Variants in DOCK3 observed in about 807,000 individuals in gnomAD.
The protein encoded by DOCK3 is dedicator of cytokinesis 3, also known as dedicator of cytokinesis protein 3.
In DOCK3, 60 loss-of-function variants were observed where a neutral mutation model predicts 265.6. That is an observed-to-expected ratio of 0.23 (90% CI 0.18 to 0.28). The LOEUF is 0.28. DOCK3 is among the 10% of genes least tolerant of loss of function. The pLI is 1.00. For synonymous variants in DOCK3, 881 were observed against 938.0 expected (o/e 0.94, Z 1.11); for missense variants, 1,981 against 2,594.3 (o/e 0.76, Z 5.14).
chr3:50,758,463 T>C (rs1559601278), intron 1 of DOCK3, among the ~76,000 whole-genome samples: 1 of 152,112 alleles, frequency 6.6e-6, no homozygotes, highest in African/African-American at 2.4e-5. Flanking sequence ...AAAAAAGATA[T>C]ATAATTAAAT....
chr3:51,280,272 C>A, intron 27 of DOCK3, 68 bp downstream of exon 27: 1 of 1,439,468 alleles, frequency 6.9e-7, no homozygotes, highest in Admixed American at 2.0e-5. Context: ...GGGCTTTTTC[C>A]CTGTCAGGGG....
At chr3:51,262,385 A>G (rs1376583251) in intron 23 of DOCK3, among the ~76,000 whole-genome samples, 1 of 152,234 alleles carries the variant, frequency 6.6e-6, no homozygotes, top group Non-Finnish European at 1.5e-5. Context: ...AACAAAAAGG[A>G]CATCCACACA....
At chr3:50,694,100 C>G (rs2035447526) in intron 1 of DOCK3, among the ~76,000 whole-genome samples, 1 of 151,744 alleles carries the variant, frequency 6.6e-6, no homozygotes, top group Non-Finnish European at 1.5e-5. Context: ...AAAACCCTGT[C>G]TCTACTAAAA....
intron 12 of DOCK3, among the ~76,000 whole-genome samples, chr3:51,187,835 T>G (rs942411637): frequency 2.7e-5 from 4 of 148,148 alleles, no homozygotes; most frequent in Admixed American, 1.4e-4. Context: ...TTGTGAGGCC[T>G]CCCCAGCCAC....
At chr3:51,081,806 G>A (rs1448776274) in intron 7 of DOCK3, among the ~76,000 whole-genome samples, 3 of 150,340 alleles carry the variant, frequency 2.0e-5, no homozygotes, top group Non-Finnish European at 4.4e-5. Flanking sequence ...TGAGGCAGGA[G>A]AATGGCGTGA....
intron 6 of DOCK3, among the ~76,000 whole-genome samples, chr3:51,065,006 C>G (rs940867499): frequency 2.0e-5 from 3 of 152,114 alleles, no homozygotes; most frequent in African/African-American, 7.2e-5. Context: ...TGAGCATAAC[C>G]TACAAATGGA....
intron 1 of DOCK3, among the ~76,000 whole-genome samples, chr3:50,774,516 T>C (rs960552978): frequency 6.6e-6 from 1 of 152,084 alleles, no homozygotes; most frequent in South Asian, 2.1e-4. Flanking sequence ...TAATTGTTTA[T>C]TGATATATAG....
intron 5 of DOCK3, among the ~76,000 whole-genome samples, chr3:51,001,220 C>A (rs978921434): frequency 6.6e-6 from 1 of 152,182 alleles, no homozygotes; most frequent in Admixed American, 6.5e-5. Flanking sequence ...ATTGCCCTCC[C>A]CATGTGTAGG....
intron 27 of DOCK3, among the ~76,000 whole-genome samples, chr3:51,293,975 G>A (rs916743243): frequency 2.0e-5 from 3 of 152,130 alleles, no homozygotes; most frequent in Admixed American, 2.0e-4. Context: ...TGGAGAAAAG[G>A]GAACTCTTGT....
At chr3:50,787,924 T>A in intron 2 of DOCK3, 1 of 1,026,604 alleles carries the variant, frequency 9.7e-7, no homozygotes, top group Non-Finnish European at 1.5e-6. Flanking sequence ...TTACCTCCAC[T>A]ATGATCTGCT....
At chr3:50,896,032 A>G (rs933945292) in intron 4 of DOCK3, among the ~76,000 whole-genome samples, 3 of 152,144 alleles carry the variant, frequency 2.0e-5, no homozygotes, top group Admixed American at 6.5e-5. Context: ...TTGTGTATAT[A>G]CCCAGTAATG....
At chr3:51,322,035 A>C (rs2083764464) in intron 32 of DOCK3, among the ~76,000 whole-genome samples, 1 of 150,768 alleles carries the variant, frequency 6.6e-6, no homozygotes, top group South Asian at 2.1e-4. Context: ...CGTCAGATTC[A>C]CCAAGGTTGA....
At chr3:51,316,908 T>C (rs1373785763) in intron 32 of DOCK3, among the ~76,000 whole-genome samples, 2 of 152,204 alleles carry the variant, frequency 1.3e-5, no homozygotes, top group African/African-American at 4.8e-5. Flanking sequence ...CTTTAGCTTA[T>C]CTTTTCATTT....
intron 5 of DOCK3, among the ~76,000 whole-genome samples, chr3:50,964,777 C>T (rs1363031028): frequency 6.6e-6 from 1 of 151,876 alleles, no homozygotes; most frequent in Non-Finnish European, 1.5e-5. Flanking sequence ...TTTAATGAAT[C>T]TCAAGTAGAA....
intron 4 of DOCK3, among the ~76,000 whole-genome samples, chr3:50,900,363 G>A (rs1384136255): frequency 6.6e-6 from 1 of 152,000 alleles, no homozygotes; most frequent in Non-Finnish European, 1.5e-5. Context: ...AGTTATGCTG[G>A]TTAGCAATTC....
Position 51,361,205 on chromosome 3 carries a change from A to T in DOCK3, c.5006+573A>T, listed in dbSNP as rs1469167307. The stretch of plus-strand genomic sequence containing the variant: ...AATACTGAAAGCCTCTAGGCCAGGA[A>T]GGCCAAGTTGGAGGAGGAGACTAGT... On this transcript the variant is annotated intron_variant, in intron 47 of 52. Coordinates refer to ENST00000266037, the MANE Select transcript of DOCK3 (RefSeq NM_004947.5). The surrounding 1 kb of genome is among the most constrained non-coding windows in gnomAD (Gnocchi z 4.2). 6.6e-6 allele frequency among the ~76,000 whole-genome samples: 1 copy of T among 152,258 alleles called. No individual in the cohort carries two copies. The highest frequency in any genetic ancestry group is 1.5e-5 in the Non-Finnish European group (1 of 68,048).
intron 3 of DOCK3, among the ~76,000 whole-genome samples, chr3:50,855,640 G>T (rs1003317612): frequency 6.6e-6 from 1 of 152,112 alleles, no homozygotes; most frequent in East Asian, 1.9e-4. Context: ...TTCCTATTTG[G>T]ATGCCTTTTA....
intron 32 of DOCK3, among the ~76,000 whole-genome samples, chr3:51,322,018 A>G (rs568218153): frequency 2.0e-5 from 3 of 152,044 alleles, no homozygotes; most frequent in Non-Finnish European, 4.4e-5. Flanking sequence ...ACCCCAAGAC[A>G]TATAATCGTC....
At chr3:51,131,968 G>A (rs893634850) in intron 9 of DOCK3, among the ~76,000 whole-genome samples, 18 of 152,208 alleles carry the variant, frequency 1.2e-4, no homozygotes, top group African/African-American at 4.3e-4. Context: ...TTGGTCAAGG[G>A]TATGTCTTCT....
Sources: allele counts gnomAD v4.1 joint callset (sites outside exome capture counted in the v4.1 genomes callset), GRCh38; gene constraint gnomAD v4.1.1; non-coding constraint Gnocchi (gnomAD v3.1); transcripts MANE v1.5; gene names NCBI Gene and HGNC (gene_info 2026-07-23, HGNC 2026-07-21).